Variants in HNRNPA1L2 observed in about 807,000 individuals in gnomAD.
HNRNPA1L2 encodes the protein heterogeneous nuclear ribonucleoprotein A1-like 2.
In HNRNPA1L2, 10 loss-of-function variants were observed where a neutral mutation model predicts 18.2. That is an observed-to-expected ratio of 0.55 (90% CI 0.34 to 0.93). HNRNPA1L2 has a LOEUF of 0.93. HNRNPA1L2 is among the 40% of genes least tolerant of loss of function. The probability of loss-of-function intolerance (pLI) is 0.02; values close to 1 mark genes in which losing one functional copy is unlikely to be tolerated. For missense variants in HNRNPA1L2, 308 were observed against 394.4 expected, an observed-to-expected ratio of 0.78 and a Z score of 1.85; for synonymous variants, 124 against 138.6, an observed-to-expected ratio of 0.89 and a Z score of 0.74.
At position 52,642,880 on chromosome 13, in the gene HNRNPA1L2, A is replaced by G. The variant is rs763183816; in HGVS notation, c.388A>G (p.Lys130Glu). The change falls in exon 1 of 1, where the codon AAA (lysine) becomes GAA (glutamate). Residue 130 changes from lysine (K) to glutamate (E), a missense_variant. Coordinates refer to ENST00000357495, the MANE Select transcript of HNRNPA1L2 (RefSeq NM_001389320.1). ...HLRDYFEQYG[K>E]IEVIEIMTDR... ...AAGAGATTATTTTGAACAGTATGGA[A>G]AAATTGAAGTAATTGAAATCATGAC... 1.3e-5 allele frequency: 20 copies of G among 1,596,728 alleles called. No homozygotes were observed. Among genetic ancestry groups the G allele is most frequent in the Non-Finnish European group, 1.7e-5 (20 of 1,179,766 alleles).
upstream of HNRNPA1L2, chr13:52,642,280 A>G: frequency 1.6e-6 from 1 of 641,516 alleles, no homozygotes; most frequent in South Asian, 2.2e-5. Context: ...GGAATGAAGT[A>G]TCCTACTGTT....
At chr13:52,617,900 G>A in the HNRNPA1L2 span, among the ~76,000 whole-genome samples, 2 of 152,190 alleles carry the variant, frequency 1.3e-5, 1 homozygote, top group South Asian at 4.1e-4. Context: ...CCAATTACAA[G>A]CCGGGTCGCT....
chr13:52,624,753 G>A, the HNRNPA1L2 span, among the ~76,000 whole-genome samples: 175 of 152,296 alleles, frequency 1.1e-3, no homozygotes, highest in African/African-American at 3.5e-3. Flanking sequence ...CGAGGGGCCT[G>A]GAGCAGTGGC....
the HNRNPA1L2 span, among the ~76,000 whole-genome samples, chr13:52,626,316 T>C: frequency 2.6e-5 from 4 of 151,518 alleles, no homozygotes; most frequent in Non-Finnish European, 4.4e-5. Flanking sequence ...AATAGCCAGG[T>C]ATGGTGACAG....
At chr13:52,629,262 A>G in the HNRNPA1L2 span, 2,170 of 191,726 alleles carry the variant, frequency 0.011, 51 homozygotes, top group African/African-American at 0.049. Flanking sequence ...CAGATGTGCT[A>G]CAGCTAGAAT....
At chr13:52,628,598 C>G in the HNRNPA1L2 span, among the ~76,000 whole-genome samples, 1 of 152,144 alleles carries the variant, frequency 6.6e-6, no homozygotes, top group African/African-American at 2.4e-5. Context: ...GATAGGCATA[C>G]AGATACTGAT....
the HNRNPA1L2 span, among the ~76,000 whole-genome samples, chr13:52,636,068 C>T: frequency 1.3e-5 from 2 of 152,084 alleles, no homozygotes; most frequent in South Asian, 2.1e-4. Flanking sequence ...AACTCCTGAC[C>T]TCGTGATCTG....
the HNRNPA1L2 span, among the ~76,000 whole-genome samples, chr13:52,625,878 A>C: frequency 1.6e-4 from 24 of 152,070 alleles, no homozygotes; most frequent in African/African-American, 5.6e-4. Context: ...CCCAGGCTCA[A>C]GTGATCCTTC....
chr13:52,639,885 T>TG (rs1566162104), upstream of HNRNPA1L2, among the ~76,000 whole-genome samples: 2 of 117,766 alleles, frequency 1.7e-5, no homozygotes, highest in African/African-American at 2.9e-5. Context: ...TGTTTTTTTT[T>TG]TTTTTTTTTT....
upstream of HNRNPA1L2, chr13:52,640,684 G>T (rs1382742780): frequency 6.6e-6 from 1 of 152,218 alleles, no homozygotes; most frequent in Non-Finnish European, 1.5e-5. Flanking sequence ...ACACACTGGG[G>T]TTAACCAGTG....
At chr13:52,631,005 G>A in the HNRNPA1L2 span, among the ~76,000 whole-genome samples, 77 of 152,204 alleles carry the variant, frequency 5.1e-4, 2 homozygotes, top group East Asian at 0.013. Flanking sequence ...TGGCAAAGGA[G>A]AAACTAAAAA....
In HNRNPA1L2 at chr13:52,643,178, G is replaced by T. The variant is rs370105898; in HGVS notation, c.686G>T (p.Gly229Val). 6.3e-7 allele frequency: 1 copy of T among 1,598,004 alleles called. No individual in the cohort carries two copies. The highest frequency in any genetic ancestry group is 8.5e-7 in the Non-Finnish European group (1 of 1,179,844). Reference sequence around the variant, plus strand: ...AACTTCAGTGGTCGTGGTGGCTTTGGTGGCAGCTGTGGTGGTGGTGGATAT... The same window carrying T: ...AACTTCAGTGGTCGTGGTGGCTTTGTTGGCAGCTGTGGTGGTGGTGGATAT... ...GGNFSGRGGF[G>V]GSCGGGGYGG... Residue 229 changes from glycine (G) to valine (V), a missense_variant, in exon 1 of 1, where the codon GGT (glycine) becomes GTT (valine). Physicochemically the swap from Gly to Val is moderately radical, Grantham distance 109. Transcript: ENST00000357495.
chr13:52,636,045 C>G, the HNRNPA1L2 span, among the ~76,000 whole-genome samples: 1 of 152,168 alleles, frequency 6.6e-6, no homozygotes, highest in Non-Finnish European at 1.5e-5. Context: ...TCATGTTGGC[C>G]AGGCTGTTCT....
chr13:52,642,504 A>G lies in HNRNPA1L2; in HGVS notation c.12A>G (p.Ser4=). The G allele has an allele frequency of 1.2e-6, 2 of 1,611,920 alleles. No homozygotes were observed. The highest frequency in any genetic ancestry group is 2.2e-5 in the East Asian group (1 of 44,888). Residue 4 remains serine (S), a synonymous_variant, in exon 1 of 1, where the codon TCA becomes TCG. Transcript: ENST00000357495. MSK[S]ASPKEPEQLR... is the part of the protein sequence containing the mutation. ...TTCACCTTGCCGTCATGTCTAAGTCAGCGTCTCCAAAAGAGCCCGAACAGC... is the reference window on the plus strand; with the variant it reads ...TTCACCTTGCCGTCATGTCTAAGTCGGCGTCTCCAAAAGAGCCCGAACAGC...
chr13:52,640,594 G>GT (rs1224427578), upstream of HNRNPA1L2, among the ~76,000 whole-genome samples: 3 of 152,176 alleles, frequency 2.0e-5, no homozygotes, highest in African/African-American at 7.2e-5. Context: ...CATGTATTGG[G>GT]TAAGGTATCA....
chr13:52,639,569 G>A (rs1479575606), upstream of HNRNPA1L2, among the ~76,000 whole-genome samples: 1 of 152,024 alleles, frequency 6.6e-6, no homozygotes, highest in African/African-American at 2.4e-5. Flanking sequence ...GGGCAAGGAA[G>A]CAAAGAGAAG....
Position 52,643,765 on chromosome 13 carries a change from G to C in HNRNPA1L2, c.*310G>C, listed in dbSNP as rs1281072517. 3 of 394,482 alleles carry C rather than the reference G, an allele frequency of 7.6e-6. No individual in the cohort carries two copies. The highest frequency in any genetic ancestry group is 9.3e-6 in the Non-Finnish European group (2 of 215,842). The allele number at this position is 394,482 out of a possible 1,614,324, so 24.4% of individuals were successfully genotyped here. A position where few individuals can be genotyped will look rare whatever the true frequency, so the allele number is the denominator to read the frequency against. ...TTGCTAAATGTAATAGTCTGATTGT[G>C]ACGCTGAATAAATGTCTCTAAAAAA... On this transcript the variant is annotated 3_prime_UTR_variant, in exon 1 of 1. Coordinates refer to ENST00000357495, the MANE Select transcript of HNRNPA1L2 (RefSeq NM_001389320.1).
At chr13:52,626,673 C>G in the HNRNPA1L2 span, among the ~76,000 whole-genome samples, 2 of 151,870 alleles carry the variant, frequency 1.3e-5, no homozygotes. Flanking sequence ...CAGTTTTCAT[C>G]TCCTACTTGA....
chr13:52,642,474 C>G lies in HNRNPA1L2; in HGVS notation c.-19C>G, dbSNP rs1432912633. On this transcript the variant is annotated 5_prime_UTR_variant, in exon 1 of 1. Coordinates refer to ENST00000357495, the MANE Select transcript of HNRNPA1L2 (RefSeq NM_001389320.1). ...GCCGCTGAAGAAGCATCGTTAAAGT[C>G]TCTCTTCACCTTGCCGTCATGTCTA... The G allele has an allele frequency of 6.2e-6, 10 of 1,610,708 alleles. No homozygotes were observed. Among genetic ancestry groups the G allele is most frequent in the Non-Finnish European group, 8.5e-6 (10 of 1,179,516 alleles).
Sources: gnomAD v4.1 joint callset for allele counts (sites outside exome capture counted in the v4.1 genomes callset) on GRCh38, gnomAD v4.1.1 for gene constraint, MANE v1.5 for transcripts, NCBI Gene and HGNC (gene_info 2026-07-23, HGNC 2026-07-21) for gene names.